The following LURAP1 variants were observed in gnomAD, a reference collection of about 807,000 sequenced individuals.
LURAP1 encodes NF-kappa-B activator C1orf190.
A neutral mutation model predicts 19.0 loss-of-function variants in LURAP1; 14 were observed. The ratio of observed to expected loss-of-function variants is 0.74; its 90% CI spans 0.49 to 1.15. LURAP1 has a LOEUF of 1.15. Ranked by LOEUF, LURAP1 falls within the 50% of genes most tolerant of loss-of-function variation. The pLI, the probability that LURAP1 is intolerant of heterozygous loss-of-function variation, is 0.00. For synonymous variants in LURAP1, 129 were observed against 131.8 expected (o/e 0.98, Z 0.14); for missense variants, 273 against 309.1 (o/e 0.88, Z 0.87).
At chr1:46,204,454 A>G (rs989130543) in intron 1 of LURAP1, among the ~76,000 whole-genome samples, 1 of 152,236 alleles carries the variant, frequency 6.6e-6, no homozygotes, top group Non-Finnish European at 1.5e-5. Context: ...CTTTGCAGCC[A>G]GTTCTGGGGA....
chr1:46,210,467 C>G (rs933095449), intron 1 of LURAP1, among the ~76,000 whole-genome samples: 3 of 152,176 alleles, frequency 2.0e-5, no homozygotes, highest in Non-Finnish European at 4.4e-5. Flanking sequence ...GTTGAGGGCT[C>G]AGTCCCCAAG....
chr1:46,207,176 G>A (rs1411917187), intron 1 of LURAP1, among the ~76,000 whole-genome samples: 1 of 151,914 alleles, frequency 6.6e-6, no homozygotes, highest in Non-Finnish European at 1.5e-5. Context: ...TGCCTTCCAA[G>A]CTCAAGCGGT....
intron 1 of LURAP1, among the ~76,000 whole-genome samples, chr1:46,206,345 G>GT (rs771371419): frequency 1.5e-4 from 23 of 152,278 alleles, no homozygotes; most frequent in Non-Finnish European, 2.8e-4. Flanking sequence ...TATTCTGATA[G>GT]TCCCCGCTCT....
intron 1 of LURAP1, among the ~76,000 whole-genome samples, chr1:46,214,548 G>A (rs771882513): frequency 3.3e-5 from 5 of 151,986 alleles, no homozygotes; most frequent in African/African-American, 4.8e-5. Context: ...ACATCATGGC[G>A]GGGAAAAGAA....
rs1227218000 is a variant in LURAP1 at position 46,220,078 on chromosome 1, G to T, written c.578G>T (p.Gly193Val). 3 of 1,614,142 alleles carry T rather than the reference G, an allele frequency of 1.9e-6. No homozygotes were observed. Among genetic ancestry groups the T allele is most frequent in the Non-Finnish European group, 2.5e-6 (3 of 1,180,052 alleles). Residue 193 changes from glycine to valine, a missense_variant, in exon 2 of 2, where the codon GGG (glycine) becomes GTG (valine). Gly to Val is a moderately radical substitution (Grantham distance 109, BLOSUM62 -3). Transcript: ENST00000371980. ...TEVDVAATRLGSLRAVWKPPG... is the reference protein window; with the variant it reads ...TEVDVAATRLVSLRAVWKPPG... ...GTGGATGTGGCAGCCACCAGGCTAG[G>T]GAGCTTGAGAGCTGTGTGGAAGCCC...
chr1:46,213,198 T>TA (rs1369475412), intron 1 of LURAP1, among the ~76,000 whole-genome samples: 1 of 151,516 alleles, frequency 6.6e-6, no homozygotes, highest in African/African-American at 2.4e-5. Flanking sequence ...GACCAAAACA[T>TA]ACGATGTTTC....
At chr1:46,205,865 C>G (rs999813824) in intron 1 of LURAP1, among the ~76,000 whole-genome samples, 1 of 152,230 alleles carries the variant, frequency 6.6e-6, no homozygotes, top group Non-Finnish European at 1.5e-5. Context: ...GATTTGCCTT[C>G]GGGCTACTGA....
At chr1:46,212,527 C>T (rs1390785435) in intron 1 of LURAP1, among the ~76,000 whole-genome samples, 3 of 151,394 alleles carry the variant, frequency 2.0e-5, no homozygotes, top group Non-Finnish European at 4.4e-5. Flanking sequence ...GTGATCCGCC[C>T]GCCTTGGCCT....
chr1:46,206,901 T>C (rs915983071), intron 1 of LURAP1, among the ~76,000 whole-genome samples: 5 of 152,100 alleles, frequency 3.3e-5, no homozygotes, highest in African/African-American at 1.2e-4. Context: ...CAGAAGAACA[T>C]TTCTAGTACA....
intron 1 of LURAP1, among the ~76,000 whole-genome samples, chr1:46,208,801 A>G (rs940051752): frequency 2.6e-5 from 4 of 152,152 alleles, no homozygotes; most frequent in African/African-American, 9.6e-5. Flanking sequence ...AGATCGTGCC[A>G]CTGCACTCCA....
intron 1 of LURAP1, among the ~76,000 whole-genome samples, chr1:46,216,040 T>A (rs928300078): frequency 7.1e-6 from 1 of 140,906 alleles, no homozygotes; most frequent in Non-Finnish European, 1.5e-5. Flanking sequence ...ACTTTTATTT[T>A]ATCTTTTTTT....
chr1:46,205,116 G>A (rs1010789974), intron 1 of LURAP1, among the ~76,000 whole-genome samples: 1 of 152,106 alleles, frequency 6.6e-6, no homozygotes, highest in African/African-American at 2.4e-5. Context: ...AAATTAGATG[G>A]GTGTTGTGGT....
At chr1:46,213,577 G>A (rs904446777) in intron 1 of LURAP1, among the ~76,000 whole-genome samples, 5 of 151,866 alleles carry the variant, frequency 3.3e-5, no homozygotes, top group South Asian at 2.1e-4. Context: ...CACTAAATAC[G>A]GCCAGGCACA....
In LURAP1 at chr1:46,203,569, C is replaced by T. The variant is rs200435573; in HGVS notation, c.143C>T (p.Ala48Val). Reference sequence around the variant, plus strand: ...TCTGGCGCCCTGCTGCTCCCAGGGGCGTCTAGCACCGGCCACGACTTGGGG... The same window carrying T: ...TCTGGCGCCCTGCTGCTCCCAGGGGTGTCTAGCACCGGCCACGACTTGGGG... ...GTSGALLLPGASSTGHDLGDK... is the reference protein window; with the variant it reads ...GTSGALLLPGVSSTGHDLGDK... The change falls in exon 1 of 2, where the codon GCG becomes GTG. Residue 48 changes from alanine to valine, a missense_variant. Coordinates refer to ENST00000371980, the MANE Select transcript of LURAP1 (RefSeq NM_001013615.3). The T allele has an allele frequency of 7.6e-5, 119 of 1,572,220 alleles. No homozygotes were observed. The highest frequency in any genetic ancestry group is 9.3e-5 in the East Asian group (4 of 42,936).
chr1:46,204,594 G>A (rs1312848549), intron 1 of LURAP1, among the ~76,000 whole-genome samples: 1 of 152,170 alleles, frequency 6.6e-6, no homozygotes, highest in Non-Finnish European at 1.5e-5. Flanking sequence ...GAAATCATGG[G>A]GGCTCTGAGA....
chr1:46,220,008 G>A lies in LURAP1; in HGVS notation c.508G>A (p.Asp170Asn), dbSNP rs1447218588. The change falls in exon 2 of 2, where the codon GAC becomes AAC. Residue 170 changes from aspartate (D) to asparagine (N), a missense_variant. Transcript: ENST00000371980. ...ACCTGGGGCTCCACGTTCCGAGATG[G>A]ACTGGGCAAAAGTTATAGCTGGTGG... Reference protein sequence around the residue: ...GPPGAPRSEMDWAKVIAGGER... With the variant: ...GPPGAPRSEMNWAKVIAGGER... 5.6e-6 allele frequency: 9 copies of A among 1,614,240 alleles called. No homozygotes were observed. The highest frequency in any genetic ancestry group is 7.6e-6 in the Non-Finnish European group (9 of 1,180,040).
intron 1 of LURAP1, among the ~76,000 whole-genome samples, chr1:46,212,373 C>T (rs1272234007): frequency 2.0e-5 from 3 of 151,792 alleles, no homozygotes; most frequent in South Asian, 2.1e-4. Context: ...CTCCGCCTCC[C>T]GGGTTCATGC....
At chr1:46,204,780 G>A (rs181589886) in intron 1 of LURAP1, among the ~76,000 whole-genome samples, 102 of 152,318 alleles carry the variant, frequency 6.7e-4, no homozygotes, top group African/African-American at 2.3e-3. Flanking sequence ...CCACCTAAGC[G>A]GGGGCTTGCC....
intron 1 of LURAP1, among the ~76,000 whole-genome samples, chr1:46,204,329 C>G (rs1351242213): frequency 6.6e-6 from 1 of 152,164 alleles, no homozygotes; most frequent in East Asian, 1.9e-4. Context: ...AACAGCAACC[C>G]TCCCCTTTCT....
Sources: allele counts gnomAD v4.1 joint callset (sites outside exome capture counted in the v4.1 genomes callset), GRCh38; gene constraint gnomAD v4.1.1; transcripts MANE v1.5; gene names NCBI Gene and HGNC (gene_info 2026-07-23, HGNC 2026-07-21).